ZNF608: variants seen among roughly 807,000 people sequenced by gnomAD.
The protein encoded by ZNF608 is zinc finger protein 608.
A neutral mutation model predicts 109.0 loss-of-function variants in ZNF608; 12 were observed. That is an observed-to-expected ratio of 0.11 (90% confidence interval 0.07 to 0.18). The LOEUF (loss-of-function observed/expected upper bound fraction) is 0.18. Among genes scored for constraint, ZNF608 ranks in the 10% least tolerant of loss-of-function variants. The pLI, the probability that ZNF608 is intolerant of heterozygous loss-of-function variation, is 1.00. For missense variants in ZNF608, 1,707 were observed against 1,879.3 expected (o/e 0.91, Z 1.70); for synonymous variants, 732 against 717.4 (o/e 1.02, Z -0.33).
intron 3 of ZNF608, among the ~76,000 whole-genome samples, chr5:124,698,566 A>T (rs1405678428): frequency 1.3e-5 from 2 of 152,254 alleles, no homozygotes; most frequent in Non-Finnish European, 2.9e-5. Context: ...ATGTACAAAG[A>T]TATTCACAGA....
At chr5:124,645,044 G>A (rs1269882562) in intron 5 of ZNF608, among the ~76,000 whole-genome samples, 2 of 152,092 alleles carry the variant, frequency 1.3e-5, no homozygotes, top group Non-Finnish European at 2.9e-5. Flanking sequence ...TTCTGTCTTC[G>A]TTTGCCTTTT....
intron 3 of ZNF608, among the ~76,000 whole-genome samples, chr5:124,677,230 A>G (rs1213569370): frequency 6.6e-6 from 1 of 152,218 alleles, no homozygotes; most frequent in African/African-American, 2.4e-5. Context: ...CCTTTCTTGC[A>G]TTTATTCAAT....
intron 9 of ZNF608, 88 bp downstream of exon 9, chr5:124,639,045 T>A: frequency 7.7e-7 from 1 of 1,297,020 alleles, no homozygotes. Flanking sequence ...AGGAGTTAAG[T>A]TTTTGGTCTA....
intron 3 of ZNF608, among the ~76,000 whole-genome samples, chr5:124,667,970 G>A (rs757782984): frequency 9.9e-5 from 15 of 151,954 alleles, no homozygotes; most frequent in Non-Finnish European, 1.6e-4. Flanking sequence ...AGTTGGTCAC[G>A]TGCTAAATAT....
Position 124,647,322 on chromosome 5 carries a change from T to A in ZNF608, c.3062A>T (p.Asn1021Ile), listed in dbSNP as rs919249125. 6.2e-7 allele frequency: 1 copy of A among 1,614,124 alleles called. No homozygotes were observed. Among genetic ancestry groups the A allele is most frequent in the African/African-American group, 1.3e-5 (1 of 74,940 alleles). ...PGQVGAPAAGNSGSTQGMKIK... is the reference protein window; with the variant it reads ...PGQVGAPAAGISGSTQGMKIK... ...CTTCATTCCCTGCGTGCTCCCACTA[T>A]TTCCAGCTGCAGGGGCACCGACCTG... The change falls in exon 5 of 10, where the codon AAT becomes ATT. Residue 1021 changes from asparagine to isoleucine, a missense_variant. This residue lies in a region of ZNF608 where 1,073 missense variants were observed against 1,133.5 expected (regional missense o/e 0.95). Transcript: ENST00000513986.
rs1473760975 is a variant in ZNF608 at position 124,639,280 on chromosome 5, G to A, written c.4451-66C>T. The A allele has an allele frequency of 2.1e-6, 3 of 1,417,400 alleles. No individual in the cohort carries two copies. The East Asian group carries it at 6.9e-5, about 33-fold the overall frequency. 87.8% of individuals were successfully genotyped at this position (1,417,400 alleles called of 1,614,324 possible). On this transcript the variant is annotated intron_variant, in intron 8 of 9. Transcript: ENST00000513986. ...GGATAAGAGTAGATACAGGCCCAGT[G>A]GAGAAGGGCCGCAGACCTAGTAGCA...
At chr5:124,722,576 TACACAC>T (rs10556672) in intron 2 of ZNF608, among the ~76,000 whole-genome samples, 5,702 of 145,014 alleles carry the variant, frequency 0.039, 135 homozygotes, top group Middle Eastern at 0.079. Context: ...ACCCTTAAAA[TACACAC>T]ACACACACAC....
At chr5:124,713,411 A>G (rs4836113) in intron 2 of ZNF608, among the ~76,000 whole-genome samples, 3,830 of 152,344 alleles carry the variant, frequency 0.025, 69 homozygotes, top group Middle Eastern at 0.065. Context: ...AATGTTTTCT[A>G]CAGATGAATT....
chr5:124,740,198 G>C (rs928287290), intron 2 of ZNF608, among the ~76,000 whole-genome samples: 13 of 152,288 alleles, frequency 8.5e-5, no homozygotes, highest in African/African-American at 3.1e-4. Context: ...TCAGAATTCA[G>C]TGATGGGTCT....
intron 3 of ZNF608, among the ~76,000 whole-genome samples, chr5:124,681,021 CTACA>C (rs1752172891): frequency 6.6e-6 from 1 of 152,130 alleles, no homozygotes; most frequent in African/African-American, 2.4e-5. Context: ...GGTTCAACTT[CTACA>C]TAAAATGAGT....
At position 124,649,150 on chromosome 5, in the gene ZNF608, C is replaced by T. The variant is rs747499567; in HGVS notation, c.1251-17G>A. The T allele has an allele frequency of 1.4e-5, 21 of 1,533,188 alleles. No individual in the cohort carries two copies. The East Asian group carries it at 3.6e-4, about 26-fold the overall frequency. The allele number at this position is 1,533,188 out of a possible 1,614,324, so 95.0% of individuals were successfully genotyped here. ...TCACAAAACCTATGGAAGCAAGTAA[C>T]AGATGTGAAAATGAGCATCCCCAAA... On this transcript the variant is annotated splice_polypyrimidine_tract_variant and intron_variant, in intron 4 of 9. Coordinates refer to ENST00000513986, the MANE Select transcript of ZNF608 (RefSeq NM_020747.3).
At chr5:124,640,696 TC>T (rs1750199559) in intron 8 of ZNF608, among the ~76,000 whole-genome samples, 1 of 152,198 alleles carries the variant, frequency 6.6e-6, no homozygotes, top group South Asian at 2.1e-4. Context: ...AGGTGAAGAT[TC>T]CCTCATATCA....
At chr5:124,734,520 G>C (rs1437506807) in intron 2 of ZNF608, 1 of 152,186 alleles carries the variant, frequency 6.6e-6, no homozygotes, top group Non-Finnish European at 1.5e-5. Context: ...CTGGCGTACG[G>C]AGGGACTGGG....
chr5:124,649,843 T>C, intron 3 of ZNF608, 146 bp from the exon 4 acceptor site: 1 of 543,578 alleles, frequency 1.8e-6, no homozygotes, highest in Non-Finnish European at 3.2e-6. Flanking sequence ...TCTTCCTCTT[T>C]CTGGTTTCAG....
At chr5:124,732,173 C>G (rs536554257) in intron 2 of ZNF608, among the ~76,000 whole-genome samples, 1 of 152,118 alleles carries the variant, frequency 6.6e-6, no homozygotes, top group South Asian at 2.1e-4. Context: ...AAAAACAAAA[C>G]AAGATCACCT....
At position 124,701,543 on chromosome 5, in the gene ZNF608, A is replaced by T. The variant is rs4340915; in HGVS notation, c.907-274T>A. On this transcript the variant is annotated intron_variant, in intron 2 of 9. Transcript: ENST00000513986. ...CTCCTTCTAAATTCATCATTGGACA[A>T]CCGTTAGCCTCAGCAGACGTGAATG... Among the ~76,000 whole-genome samples the T allele has an allele frequency of 2.3e-4, 35 of 152,246 alleles. 1 individual carries two copies. The South Asian group carries it at 7.0e-3, about 31-fold the overall frequency.
chr5:124,645,646 T>A (rs1750463673), intron 5 of ZNF608, among the ~76,000 whole-genome samples: 1 of 152,080 alleles, frequency 6.6e-6, no homozygotes, highest in South Asian at 2.1e-4. Flanking sequence ...GGTCAGGATG[T>A]CTGAACCATG....
intron 2 of ZNF608, chr5:124,708,797 C>A (rs1350031929): frequency 2.2e-6 from 1 of 455,874 alleles, no homozygotes; most frequent in Non-Finnish European, 4.4e-6. Flanking sequence ...TGGACCAGGG[C>A]TCTGGCCCCA....
At chr5:124,699,382 C>A (rs1752962747) in intron 3 of ZNF608, among the ~76,000 whole-genome samples, 1 of 152,136 alleles carries the variant, frequency 6.6e-6, no homozygotes, top group South Asian at 2.1e-4. Context: ...TCAGTTCCTC[C>A]CAATGTGGTT....
Sources: allele counts gnomAD v4.1 joint callset (sites outside exome capture counted in the v4.1 genomes callset), GRCh38; gene constraint gnomAD v4.1.1; regional missense constraint gnomAD v4.1.1; transcripts MANE v1.5; gene names NCBI Gene and HGNC (gene_info 2026-07-23, HGNC 2026-07-21).